The following DENND5A variants were observed in gnomAD, a reference collection of about 807,000 sequenced individuals.
DENND5A encodes the protein DENN domain containing 5A, also known as DENN domain-containing protein 5A.
Under a neutral mutation model 140.3 loss-of-function variants are expected in DENND5A, and 64 were observed. The observed-to-expected ratio is 0.46, with a 90% confidence interval of 0.37 to 0.56. The LOEUF is 0.56. Ranked by LOEUF, DENND5A falls within the 20% of genes least tolerant of loss-of-function variation. The pLI is 0.00. For missense variants in DENND5A, 1,292 were observed against 1,593.8 expected (o/e 0.81, Z 3.22); for synonymous variants, 605 against 607.7 (o/e 1.00, Z 0.07).
chr11:9,139,497 A>C lies in DENND5A; in HGVS notation c.*174T>G. 1 of 641,656 alleles carries C rather than the reference A, an allele frequency of 1.6e-6. No homozygotes were observed. The highest frequency in any genetic ancestry group is 1.8e-5 in the African/African-American group (1 of 54,658). 39.7% of individuals were successfully genotyped at this position (641,656 alleles called of 1,614,324 possible). ...CATGAAAGTGTGTAAAAAGCAAATC[A>C]GCAAATAAACTCTAAAATAGATTAT... On this transcript the variant is annotated 3_prime_UTR_variant, in exon 23 of 23. Coordinates refer to ENST00000328194, the MANE Select transcript of DENND5A (RefSeq NM_015213.4).
chr11:9,224,231 A>T (rs1256964809), intron 1 of DENND5A, among the ~76,000 whole-genome samples: 2 of 152,128 alleles, frequency 1.3e-5, no homozygotes, highest in African/African-American at 4.8e-5. Context: ...CTAAAACAAC[A>T]TGCCTAAAGG....
chr11:9,252,887 T>C (rs1464883390), intron 1 of DENND5A, among the ~76,000 whole-genome samples: 10 of 149,744 alleles, frequency 6.7e-5, no homozygotes, highest in Admixed American at 6.0e-4. Context: ...TCTCACCCTA[T>C]TGCCCAGGCT....
intron 1 of DENND5A, among the ~76,000 whole-genome samples, chr11:9,250,618 A>G (rs1371922332): frequency 1.3e-5 from 2 of 152,230 alleles, no homozygotes; most frequent in Non-Finnish European, 2.9e-5. Flanking sequence ...CTTGGTGGGT[A>G]ACAATGGACA....
chr11:9,194,800 A>G (rs1465637563), intron 4 of DENND5A, among the ~76,000 whole-genome samples: 3 of 149,600 alleles, frequency 2.0e-5, no homozygotes, highest in Admixed American at 6.7e-5. Flanking sequence ...GCTCACTGCA[A>G]CCTCCACCTC....
At position 9,178,264 on chromosome 11, in the gene DENND5A, G is replaced by A. The variant is rs1466341640; in HGVS notation, c.1774C>T (p.His592Tyr). ...ASFIDNKIMC[H>Y]DDDDKDPVLR... ...ACAGGGTCTTTATCATCATCATCATGACACATTATTTTGTTGTCAATGAAA... is the reference window on the plus strand; with the variant it reads ...ACAGGGTCTTTATCATCATCATCATAACACATTATTTTGTTGTCAATGAAA... The change falls in exon 8 of 23, where the codon CAT becomes TAT. Residue 592 changes from histidine to tyrosine, a missense_variant. Transcript: ENST00000328194. 2 of 1,613,554 alleles carry A rather than the reference G, an allele frequency of 1.2e-6. No individual in the cohort carries two copies. The highest frequency in any genetic ancestry group is 1.7e-5 in the Admixed American group (1 of 59,978).
intron 1 of DENND5A, among the ~76,000 whole-genome samples, chr11:9,263,569 G>C (rs1441130167): frequency 2.0e-5 from 3 of 148,990 alleles, no homozygotes; most frequent in African/African-American, 7.3e-5. Flanking sequence ...TGGGCCGGGC[G>C]CGGTGGCTCA....
At chr11:9,178,039 GA>G in intron 8 of DENND5A, 92 bp downstream of exon 8, 1 of 906,858 alleles carries the variant, frequency 1.1e-6, no homozygotes, top group Non-Finnish European at 1.8e-6. Flanking sequence ...CACAAAGGCA[GA>G]AACAGATAAA....
At chr11:9,253,387 G>A (rs1851810664) in intron 1 of DENND5A, among the ~76,000 whole-genome samples, 1 of 152,092 alleles carries the variant, frequency 6.6e-6, no homozygotes, top group East Asian at 1.9e-4. Flanking sequence ...AAATTGCAGG[G>A]CCCCAATATC....
At chr11:9,239,592 A>G (rs1851149091) in intron 1 of DENND5A, among the ~76,000 whole-genome samples, 1 of 151,994 alleles carries the variant, frequency 6.6e-6, no homozygotes, top group Non-Finnish European at 1.5e-5. Context: ...TCCGCCTCCC[A>G]AGTAGCTGAG....
chr11:9,185,141 A>G (rs1216823996), intron 5 of DENND5A, among the ~76,000 whole-genome samples: 1 of 152,168 alleles, frequency 6.6e-6, no homozygotes, highest in East Asian at 1.9e-4. Flanking sequence ...CAGTGAGTCG[A>G]GATTGCGCCA....
At position 9,142,097 on chromosome 11, in the gene DENND5A, T is replaced by C. The variant is rs1847265035; in HGVS notation, c.3523A>G (p.Thr1175Ala). The change falls in exon 22 of 23, where the codon ACC (threonine) becomes GCC (alanine). Residue 1175 changes from threonine to alanine, a missense_variant. Physicochemically the swap from Thr to Ala is moderately conservative, Grantham distance 58 (BLOSUM62 0). Around this residue, in one of 4 missense-constraint regions of DENND5A, gnomAD observed 498 missense variants for 689.7 expected, o/e 0.72. Transcript: ENST00000328194. ...TTCTTCTCTAATGTCTCATAATAGG[T>C]TTGTGCTTTTTCTGTGAAGAGTAGA... is the stretch of plus-strand genomic sequence containing the variant. Reference protein sequence around the residue: ...FIWDFLEKAQTYYETLEKNEV... With the variant: ...FIWDFLEKAQAYYETLEKNEV... 1 of 1,587,356 alleles carries C rather than the reference T, an allele frequency of 6.3e-7. No homozygotes were observed.
At chr11:9,154,659 A>T (rs934161054) in intron 12 of DENND5A, among the ~76,000 whole-genome samples, 1 of 152,088 alleles carries the variant, frequency 6.6e-6, no homozygotes. Context: ...CTTCAAAGAC[A>T]ATTTTTAAAA....
At chr11:9,202,920 C>T (rs1399704110) in intron 4 of DENND5A, among the ~76,000 whole-genome samples, 2 of 152,126 alleles carry the variant, frequency 1.3e-5, no homozygotes, top group Non-Finnish European at 2.9e-5. Context: ...TTTTATTTTT[C>T]TTTATAACCC....
intron 8 of DENND5A, chr11:9,171,696 T>C (rs191919010): frequency 1.0e-5 from 1 of 99,506 alleles, no homozygotes; most frequent in East Asian, 2.1e-4. Context: ...CCTCATCTCT[T>C]CAAAAAAAAA....
intron 1 of DENND5A, among the ~76,000 whole-genome samples, chr11:9,258,100 A>G (rs898170248): frequency 1.3e-5 from 2 of 152,098 alleles, no homozygotes; most frequent in Non-Finnish European, 2.9e-5. Context: ...GTCTACACAC[A>G]GTACACACAG....
chr11:9,170,538 T>C, intron 9 of DENND5A, 89 bp downstream of exon 9: 1 of 1,492,664 alleles, frequency 6.7e-7, no homozygotes, highest in Non-Finnish European at 9.2e-7. Context: ...AAGTACAAGG[T>C]CTTCTAGGGG....
chr11:9,236,155 C>T (rs140051131), intron 1 of DENND5A, among the ~76,000 whole-genome samples: 3,220 of 148,716 alleles, frequency 0.022, 51 homozygotes, highest in Non-Finnish European at 0.032. Context: ...CCCAGGAGGT[C>T]GAGGCTGCAG....
At chr11:9,259,152 T>C in intron 1 of DENND5A, among the ~76,000 whole-genome samples, 1 of 151,250 alleles carries the variant, frequency 6.6e-6, no homozygotes. Flanking sequence ...CCCAGCTACT[T>C]GAGAGGCTGA....
At chr11:9,221,562 C>G (rs2136235847) in intron 1 of DENND5A, among the ~76,000 whole-genome samples, 1 of 152,222 alleles carries the variant, frequency 6.6e-6, no homozygotes, top group Middle Eastern at 3.4e-3. Flanking sequence ...GATGGGGTTT[C>G]ACCATGTTAG....
Sources: allele counts gnomAD v4.1 joint callset (sites outside exome capture counted in the v4.1 genomes callset), GRCh38; gene constraint gnomAD v4.1.1; regional missense constraint gnomAD v4.1.1; transcripts MANE v1.5; gene names NCBI Gene and HGNC (gene_info 2026-07-23, HGNC 2026-07-21).